Variants in GABRB3 observed in about 807,000 individuals in gnomAD.
GABRB3 encodes the protein gamma-aminobutyric acid receptor subunit beta-3.
A neutral mutation model predicts 52.1 loss-of-function variants in GABRB3; 14 were observed. The ratio of observed to expected loss-of-function variants is 0.27; its 90% CI spans 0.18 to 0.42. The LOEUF (loss-of-function observed/expected upper bound fraction) is 0.42. Ranked by LOEUF, GABRB3 falls within the 10% of genes least tolerant of loss-of-function variation. The pLI is 1.00. For synonymous variants in GABRB3, 260 were observed against 232.3 expected, an observed-to-expected ratio of 1.12 and a Z score of -1.08; for missense variants, 307 against 609.1, an observed-to-expected ratio of 0.50 and a Z score of 5.22.
rs372195395 is a variant in GABRB3 at position 26,621,520 on chromosome 15, G to A, written c.255C>T (p.Thr85=). Residue 85 remains threonine, a synonymous_variant, in exon 4 of 9, where the codon ACC becomes ACT. Coordinates refer to ENST00000311550, the MANE Select transcript of GABRB3 (RefSeq NM_000814.6). This position sits in a 1 kb window ranked among gnomAD's most constrained non-coding sequence, Gnocchi z 4.1. The stretch of plus-strand genomic sequence containing the variant: ...CTCTCCAATATTGTTGAAAATACAT[G>A]GTTAAGGTATAATCCTGGGGGGAAA... The part of the protein sequence containing the change: ...VSEVNMDYTL[T]MYFQQYWRDK... 17 of 1,612,460 alleles carry A rather than the reference G, an allele frequency of 1.1e-5. No homozygotes were observed. In the African/African-American group the frequency reaches 2.1e-4, roughly 20 times the overall value.
rs1277190226 is a variant in GABRB3 at position 26,627,368 on chromosome 15, A to G, written c.241-5834T>C. On this transcript the variant is annotated intron_variant, in intron 3 of 8. Coordinates refer to ENST00000311550, the MANE Select transcript of GABRB3 (RefSeq NM_000814.6). ...TAGATCAAGGAGAAACTGACTTTCAAGTTTTATTATTTAAGAAATACATTT... is the reference window on the plus strand; with the variant it reads ...TAGATCAAGGAGAAACTGACTTTCAGGTTTTATTATTTAAGAAATACATTT... 2.0e-5 allele frequency among the ~76,000 whole-genome samples: 3 copies of G among 147,708 alleles called. 1 individual carries two copies. The East Asian group carries it at 5.8e-4, about 29-fold the overall frequency.
At chr15:26,729,404 C>CT (rs1478840967) in intron 3 of GABRB3, among the ~76,000 whole-genome samples, 1 of 152,134 alleles carries the variant, frequency 6.6e-6, no homozygotes, top group Non-Finnish European at 1.5e-5. Flanking sequence ...GGGGAGGACT[C>CT]TGGTGCCTTT....
At chr15:26,723,681 T>C (rs1021706468) in intron 3 of GABRB3, among the ~76,000 whole-genome samples, 13 of 152,132 alleles carry the variant, frequency 8.5e-5, no homozygotes, top group African/African-American at 2.7e-4. Flanking sequence ...CCTGTATGTT[T>C]CAACTCAGAA....
chr15:26,583,841 C>T (rs1193528274), intron 4 of GABRB3, among the ~76,000 whole-genome samples: 1 of 148,576 alleles, frequency 6.7e-6, no homozygotes, highest in East Asian at 2.0e-4. Flanking sequence ...CTGGCATGAT[C>T]TCAGATCACT....
intron 4 of GABRB3, among the ~76,000 whole-genome samples, chr15:26,587,692 A>G (rs1228503670): frequency 6.6e-6 from 1 of 152,212 alleles, no homozygotes; most frequent in Non-Finnish European, 1.5e-5. Context: ...GGAATTTCAC[A>G]GACGGTAGAA....
intron 3 of GABRB3, among the ~76,000 whole-genome samples, chr15:26,627,118 C>T (rs1393078838): frequency 6.6e-6 from 1 of 152,078 alleles, no homozygotes; most frequent in Non-Finnish European, 1.5e-5. Flanking sequence ...TAATCTACTC[C>T]GCCTATGCTC....
intron 3 of GABRB3, among the ~76,000 whole-genome samples, chr15:26,636,661 C>T (rs1893070273): frequency 6.6e-6 from 1 of 152,162 alleles, no homozygotes; most frequent in African/African-American, 2.4e-5. Flanking sequence ...AATCAAACTC[C>T]AGAATCAACT....
At chr15:26,701,051 C>T (rs1209086396) in intron 3 of GABRB3, among the ~76,000 whole-genome samples, 1 of 121,664 alleles carries the variant, frequency 8.2e-6, no homozygotes, top group Non-Finnish European at 1.7e-5. Context: ...CGAGACTCGT[C>T]TCAAAAAAAA....
chr15:26,586,686 C>CAAAAA (rs1179931462), intron 4 of GABRB3, among the ~76,000 whole-genome samples: 3 of 98,674 alleles, frequency 3.0e-5, no homozygotes, highest in African/African-American at 1.3e-4. Context: ...GACTCCATCT[C>CAAAAA]AAAAAAAAAA....
intron 3 of GABRB3, among the ~76,000 whole-genome samples, chr15:26,623,626 G>A (rs1473980589): frequency 6.6e-6 from 1 of 152,122 alleles, no homozygotes; most frequent in African/African-American, 2.4e-5. Context: ...GATTTCAGCG[G>A]CTTAGACTCC....
chr15:26,555,776 C>A (rs1040808927), intron 8 of GABRB3, among the ~76,000 whole-genome samples: 3 of 152,104 alleles, frequency 2.0e-5, no homozygotes, highest in Non-Finnish European at 1.5e-5. Context: ...TGAAAAGGAA[C>A]CTGAATATAT....
At chr15:26,771,653 C>T (rs890183225) in intron 3 of GABRB3, among the ~76,000 whole-genome samples, 16 of 152,352 alleles carry the variant, frequency 1.1e-4, no homozygotes, top group African/African-American at 3.6e-4. Context: ...CCGCTTCGCA[C>T]CTCGGGGTAC....
chr15:26,701,029 T>G (rs2140680810), intron 3 of GABRB3, among the ~76,000 whole-genome samples: 1 of 151,138 alleles, frequency 6.6e-6, no homozygotes, highest in Non-Finnish European at 1.5e-5. Flanking sequence ...CACTCCAGCC[T>G]GGGAGACAGA....
chr15:26,567,844 G>A, intron 6 of GABRB3, 111 bp from the exon 7 acceptor site: 1 of 1,027,986 alleles, frequency 9.7e-7, no homozygotes, highest in Non-Finnish European at 1.5e-6. Context: ...TGCGAATAAA[G>A]GGGTGACCCA....
chr15:26,759,033 C>G (rs1890739110), intron 3 of GABRB3, among the ~76,000 whole-genome samples: 1 of 152,066 alleles, frequency 6.6e-6, no homozygotes, highest in Admixed American at 6.5e-5. Flanking sequence ...CTATATAATC[C>G]TAATCCTGAC....
intron 3 of GABRB3, among the ~76,000 whole-genome samples, chr15:26,699,056 G>A (rs903513420): frequency 2.0e-5 from 3 of 152,112 alleles, no homozygotes; most frequent in African/African-American, 4.8e-5. Context: ...TTAATGTTAT[G>A]AGAACAGTGA....
Position 26,580,721 on chromosome 15 carries a change from G to A in GABRB3, c.545-265C>T. ...CTCTGACCAGAGTTCTATTTGCGAA[G>A]TGTAACTTCAGAGCTGACCCAGACA... On this transcript the variant is annotated intron_variant, in intron 5 of 8. Transcript: ENST00000311550. 1.9e-5 allele frequency: 10 copies of A among 530,320 alleles called. No homozygotes were observed. In the South Asian group the frequency reaches 2.0e-4, roughly 10 times the overall value. The allele number at this position is 530,320 out of a possible 1,614,324, so 32.9% of individuals were successfully genotyped here.
intron 4 of GABRB3, among the ~76,000 whole-genome samples, chr15:26,606,808 A>ATAGATATATC (rs750566618): frequency 3.5e-5 from 3 of 84,786 alleles, no homozygotes; most frequent in East Asian, 1.2e-3. Flanking sequence ...ATATATCTAT[A>ATAGATATATC]GATAGATAGA....
chr15:26,552,344 G>A (rs753642922), intron 8 of GABRB3, among the ~76,000 whole-genome samples: 1 of 152,144 alleles, frequency 6.6e-6, no homozygotes, highest in Non-Finnish European at 1.5e-5. Flanking sequence ...TTCTTTCCAC[G>A]GGATGATTAG....
Sources: gnomAD v4.1 joint callset for allele counts (sites outside exome capture counted in the v4.1 genomes callset) on GRCh38, gnomAD v4.1.1 for gene constraint, Gnocchi (gnomAD v3.1) non-coding constraint, MANE v1.5 for transcripts, NCBI Gene and HGNC (gene_info 2026-07-23, HGNC 2026-07-21) for gene names.